Variants in ROR2 observed in about 807,000 individuals in gnomAD.
The protein encoded by ROR2 is tyrosine-protein kinase transmembrane receptor ROR2.
Under a neutral mutation model 74.9 loss-of-function variants are expected in ROR2, and 33 were observed. The observed-to-expected ratio is 0.44, with a 90% CI of 0.33 to 0.59. The LOEUF (loss-of-function observed/expected upper bound fraction) is 0.59, where lower values mean the gene tolerates loss of function less well. Among genes scored for constraint, ROR2 ranks in the 20% least tolerant of loss-of-function variants. The pLI is 0.02. For missense variants in ROR2, 1,216 were observed against 1,313.8 expected (o/e 0.93, Z 1.15); for synonymous variants, 586 against 558.7 (o/e 1.05, Z -0.69).
At chr9:91,919,036 A>G (rs1307604520) in intron 1 of ROR2, among the ~76,000 whole-genome samples, 1 of 151,702 alleles carries the variant, frequency 6.6e-6, no homozygotes, top group Non-Finnish European at 1.5e-5. Context: ...ACTCCACTCA[A>G]CACAGCCAGA....
intron 1 of ROR2, among the ~76,000 whole-genome samples, chr9:91,853,479 C>A (rs1564000492): frequency 6.6e-6 from 1 of 152,140 alleles, no homozygotes; most frequent in East Asian, 1.9e-4. Flanking sequence ...TGTGACAAGT[C>A]AAGTTGGGAG....
chr9:91,939,461 T>C (rs769514318), intron 1 of ROR2, among the ~76,000 whole-genome samples: 6 of 152,204 alleles, frequency 3.9e-5, no homozygotes, highest in Non-Finnish European at 8.8e-5. Context: ...GGCCACACTT[T>C]TCACAAGTTT....
At chr9:91,732,883 C>T (rs1282841720) in intron 6 of ROR2, among the ~76,000 whole-genome samples, 4 of 152,220 alleles carry the variant, frequency 2.6e-5, no homozygotes, top group African/African-American at 7.2e-5. Context: ...CACAGCTGGA[C>T]ACAGTGCAAG....
intron 2 of ROR2, among the ~76,000 whole-genome samples, chr9:91,772,040 G>T (rs1451357299): frequency 1.3e-5 from 2 of 152,324 alleles, no homozygotes; most frequent in East Asian, 3.9e-4. Flanking sequence ...GAGCAAAAAC[G>T]TGCAGGAAGA....
chr9:91,836,558 T>G (rs901607029), intron 1 of ROR2, among the ~76,000 whole-genome samples: 4 of 138,226 alleles, frequency 2.9e-5, no homozygotes, highest in South Asian at 4.5e-4. Flanking sequence ...AAAAAAACAG[T>G]CTGCAGCTGA....
chr9:91,825,063 A>G (rs994595502), intron 1 of ROR2, among the ~76,000 whole-genome samples: 6 of 152,244 alleles, frequency 3.9e-5, no homozygotes, highest in Non-Finnish European at 8.8e-5. Flanking sequence ...AAGTAAGCCA[A>G]TGACAAATAA....
Position 91,949,912 on chromosome 9 carries a change from C to T in ROR2, c.52G>A (p.Val18Ile), listed in dbSNP as rs1167881966. Residue 18 changes from valine to isoleucine, a missense_variant, in exon 1 of 9, where the codon GTC becomes ATC. Transcript: ENST00000375708. ...PRRPLLCIPA[V>I]WAAAALLLSV... ...AGCAGAAGCGCGGCGGCCGCCCAGA[C>T]GGCCGGGATGCACAGCAGCGGCCGC... 1.9e-6 allele frequency: 3 copies of T among 1,539,444 alleles called. No homozygotes were observed. The highest frequency in any genetic ancestry group is 2.0e-5 in the Admixed American group (1 of 50,720).
At chr9:91,940,726 G>A (rs913371843) in intron 1 of ROR2, among the ~76,000 whole-genome samples, 5 of 148,590 alleles carry the variant, frequency 3.4e-5, no homozygotes, top group Middle Eastern at 3.6e-3. Flanking sequence ...TCGGCCTCCC[G>A]AGTAGTTGGG....
intron 1 of ROR2, among the ~76,000 whole-genome samples, chr9:91,894,846 T>C (rs1044507562): frequency 1.3e-5 from 2 of 152,206 alleles, no homozygotes; most frequent in African/African-American, 4.8e-5. Context: ...TGCAAAATGG[T>C]ACGGCCACTG....
At position 91,925,466 on chromosome 9, in the gene ROR2, A is replaced by ATGTGTGTGTGTG. The variant is rs35012954; in HGVS notation, c.97+24389_97+24400dup. Among the ~76,000 whole-genome samples, 369 of 144,604 alleles carry ATGTGTGTGTGTG rather than the reference A, an allele frequency of 2.6e-3. 2 individuals carry two copies. The highest frequency in any genetic ancestry group is 0.016 in the East Asian group (78 of 4,888). 94.9% of individuals were successfully genotyped at this position (144,604 alleles called of 152,430 possible). A position where few individuals can be genotyped will look rare whatever the true frequency, so the allele number is the denominator to read the frequency against. ...CCTGACAATGCTGTCAGCTGCCTGT[A>ATGTGTGTGTGTG]TGTGTGTGTGTGTGTGTGTGTGTGT... is the stretch of plus-strand genomic sequence containing the variant. On this transcript the variant is annotated intron_variant, in intron 1 of 8. Coordinates refer to ENST00000375708, the MANE Select transcript of ROR2 (RefSeq NM_004560.4).
Position 91,882,758 on chromosome 9 carries a change from C to G in ROR2, c.97+67109G>C, listed in dbSNP as rs150575549. Reference sequence around the variant, plus strand: ...ACGAAGACAGATGTCATAAGAAGAGCAGATGAGGACTCAGACACAGAGAGG... The same window carrying G: ...ACGAAGACAGATGTCATAAGAAGAGGAGATGAGGACTCAGACACAGAGAGG... On this transcript the variant is annotated intron_variant, in intron 1 of 8. Coordinates refer to ENST00000375708, the MANE Select transcript of ROR2 (RefSeq NM_004560.4). Among the ~76,000 whole-genome samples, 43 of 152,166 alleles carry G rather than the reference C, an allele frequency of 2.8e-4. No individual in the cohort carries two copies. The East Asian group carries it at 7.9e-3, about 28-fold the overall frequency.
intron 1 of ROR2, among the ~76,000 whole-genome samples, chr9:91,881,419 T>C (rs574900893): frequency 2.0e-4 from 30 of 152,352 alleles, no homozygotes; most frequent in Admixed American, 7.2e-4. Flanking sequence ...AATGACATAC[T>C]GTATGCTGCA....
chr9:91,891,252 C>CTTTTTTTTTT (rs59835723), intron 1 of ROR2, among the ~76,000 whole-genome samples: 1 of 136,850 alleles, frequency 7.3e-6, no homozygotes. Context: ...CTGTTCCTTT[C>CTTTTTTTTTT]TTTTTTTTTT....
At chr9:91,863,581 T>C (rs1829539608) in intron 1 of ROR2, among the ~76,000 whole-genome samples, 2 of 152,166 alleles carry the variant, frequency 1.3e-5, no homozygotes, top group Admixed American at 1.3e-4. Flanking sequence ...TGAAAGATGA[T>C]TTAGCCATTA....
intron 1 of ROR2, among the ~76,000 whole-genome samples, chr9:91,925,819 T>C (rs1831381416): frequency 6.6e-6 from 1 of 152,118 alleles, no homozygotes; most frequent in South Asian, 2.1e-4. Context: ...CCACTCTGGG[T>C]TCAACAGACA....
chr9:91,802,954 T>C (rs946990909), intron 1 of ROR2, among the ~76,000 whole-genome samples: 2 of 152,070 alleles, frequency 1.3e-5, no homozygotes, highest in African/African-American at 4.8e-5. Context: ...TCAACATCGT[T>C]AGCCGTTAAG....
intron 4 of ROR2, among the ~76,000 whole-genome samples, chr9:91,748,014 A>G (rs1825482076): frequency 6.6e-6 from 1 of 152,212 alleles, no homozygotes; most frequent in Non-Finnish European, 1.5e-5. Context: ...CAACATGACT[A>G]TAGTGAATAA....
chr9:91,820,442 A>C (rs1323755740), intron 1 of ROR2, among the ~76,000 whole-genome samples: 3 of 152,200 alleles, frequency 2.0e-5, no homozygotes, highest in Admixed American at 2.0e-4. Flanking sequence ...ACAAAGAGCC[A>C]GGCAGTCACC....
At chr9:91,785,708 C>T (rs971443051) in intron 1 of ROR2, among the ~76,000 whole-genome samples, 1 of 152,152 alleles carries the variant, frequency 6.6e-6, no homozygotes, top group African/African-American at 2.4e-5. Context: ...CAGTTCAGAG[C>T]CCCTGCGACA....
Sources: gnomAD v4.1 joint callset for allele counts (sites outside exome capture counted in the v4.1 genomes callset) on GRCh38, gnomAD v4.1.1 for gene constraint, MANE v1.5 for transcripts, NCBI Gene and HGNC (gene_info 2026-07-23, HGNC 2026-07-21) for gene names.